Variants in PIAS2 observed in about 807,000 individuals in gnomAD.
The protein encoded by PIAS2 is protein inhibitor of activated STAT 2.
In PIAS2, 19 loss-of-function variants were observed where a neutral mutation model predicts 69.7. That is an observed-to-expected ratio of 0.27 (90% CI 0.19 to 0.40). PIAS2 has a LOEUF of 0.40. Ranked by LOEUF, PIAS2 falls within the 10% of genes least tolerant of loss-of-function variation. PIAS2 has a pLI of 1.00. For missense variants in PIAS2, 624 were observed against 757.0 expected (o/e 0.82, Z 2.06); for synonymous variants, 261 against 263.2 (o/e 0.99, Z 0.08).
intron 1 of PIAS2, chr18:46,915,238 A>G (rs2057686768): frequency 1.3e-5 from 2 of 152,176 alleles, no homozygotes; most frequent in African/African-American, 2.4e-5. Flanking sequence ...TGAGAATTAA[A>G]TAAGTATAGA....
chr18:46,812,108 C>T lies in PIAS2; in HGVS notation c.*325G>A. 5.8e-6 allele frequency: 1 copy of T among 171,560 alleles called. No individual in the cohort carries two copies. The highest frequency in any genetic ancestry group is 6.2e-5 in the Admixed American group (1 of 16,140). The allele number at this position is 171,560 out of a possible 1,614,324, so 10.6% of individuals were successfully genotyped here. On this transcript the variant is annotated 3_prime_UTR_variant, in exon 14 of 14. Coordinates refer to ENST00000585916, the MANE Select transcript of PIAS2 (RefSeq NM_004671.5). ...CTTGAATATTTACATAATTTTATTG[C>T]TCTTTATTTTAACAAAAACTTTTTT...
intron 1 of PIAS2, among the ~76,000 whole-genome samples, chr18:46,914,513 A>T (rs1038000781): frequency 6.6e-5 from 10 of 152,100 alleles, no homozygotes; most frequent in African/African-American, 2.2e-4. Flanking sequence ...AAACTGAAAT[A>T]GTCAGGCGAC....
At chr18:46,916,020 C>G (rs1338323443) in intron 1 of PIAS2, among the ~76,000 whole-genome samples, 1 of 152,130 alleles carries the variant, frequency 6.6e-6, no homozygotes, top group Non-Finnish European at 1.5e-5. Flanking sequence ...TTAAACTTAT[C>G]AAGTATGAAC....
intron 2 of PIAS2, among the ~76,000 whole-genome samples, chr18:46,888,363 ATTTT>A (rs35677026): frequency 6.7e-6 from 1 of 149,232 alleles, no homozygotes; most frequent in Admixed American, 6.7e-5. Flanking sequence ...CAAAATCCCA[ATTTT>A]TTTTTTTTAT....
At chr18:46,827,729 G>A (rs1214316123) in intron 11 of PIAS2, 1 of 406,380 alleles carries the variant, frequency 2.5e-6, no homozygotes, top group East Asian at 3.8e-5. Flanking sequence ...AAAAGTCTCA[G>A]GTAGGAAATA....
rs535949402 is a variant in PIAS2, at chr18:46,865,305, C to T, written c.500-1057G>A. Among the ~76,000 whole-genome samples, 5 of 152,074 alleles carry T rather than the reference C, an allele frequency of 3.3e-5. No individual in the cohort carries two copies. In the East Asian group the frequency reaches 5.8e-4, roughly 18 times the overall value. On this transcript the variant is annotated intron_variant, in intron 2 of 13. Transcript: ENST00000585916. ...GTGTAATCCCAGCACTCTGGGAGGC[C>T]GAGGCAGGTGGATTACTTGAGGTCA... is the stretch of plus-strand genomic sequence containing the variant.
Position 46,846,834 on chromosome 18 carries a change from G to A in PIAS2, c.734C>T (p.Ala245Val), listed in dbSNP as rs776260551. 8.2e-5 allele frequency: 131 copies of A among 1,601,698 alleles called. No homozygotes were observed. Among genetic ancestry groups the A allele is most frequent in the Non-Finnish European group, 1.1e-4 (126 of 1,174,638 alleles). ...TTCAATCCCATTTTTAGGCGGTGGTGCATAGCCCTATAACCGTAAGAAAGA... is the reference window on the plus strand; with the variant it reads ...TTCAATCCCATTTTTAGGCGGTGGTACATAGCCCTATAACCGTAAGAAAGA... ...NGKLFPLPGY[A>V]PPPKNGIEQK... The change falls in exon 6 of 14, where the codon GCA becomes GTA. Residue 245 changes from alanine to valine, a missense_variant. This residue lies in a region of PIAS2 where 339 missense variants were observed against 408.8 expected (regional missense o/e 0.83). Coordinates refer to ENST00000585916, the MANE Select transcript of PIAS2 (RefSeq NM_004671.5).
At chr18:46,894,481 C>T (rs1395293255) in intron 1 of PIAS2, among the ~76,000 whole-genome samples, 1 of 152,134 alleles carries the variant, frequency 6.6e-6, no homozygotes, top group Non-Finnish European at 1.5e-5. Context: ...CACTCCACTG[C>T]GCTAACTCTC....
chr18:46,866,887 G>A (rs1368943131), intron 2 of PIAS2, among the ~76,000 whole-genome samples: 1 of 152,146 alleles, frequency 6.6e-6, no homozygotes, highest in East Asian at 1.9e-4. Context: ...GTAAAGTTGG[G>A]CACAAGACCC....
At chr18:46,901,224 C>T in intron 1 of PIAS2, 2 of 384,194 alleles carry the variant, frequency 5.2e-6, no homozygotes, top group African/African-American at 2.1e-5. Flanking sequence ...TCGAGGCCAG[C>T]CTGACCAACA....
In PIAS2 at chr18:46,804,205, CCT is replaced by C. The variant is rs1311445843; in HGVS notation, c.*8226_*8227del. 2.0e-5 allele frequency: 3 copies of C among 152,136 alleles called. No homozygotes were observed. The highest frequency in any genetic ancestry group is 6.5e-5 in the Admixed American group (1 of 15,274). 9.4% of individuals were successfully genotyped at this position (152,136 alleles called of 1,614,324 possible). On this transcript the variant is annotated 3_prime_UTR_variant, in exon 14 of 14. Transcript: ENST00000585916. ...AAGTGAAAAAAGTTATCACCTCTGC[CCT>C]CATGGAGCTTACAATCTAGTAGGGG... is the stretch of plus-strand genomic sequence containing the variant.
Position 46,890,793 on chromosome 18 carries a change from A to G in PIAS2, c.286T>C (p.Leu96=). The G allele has an allele frequency of 6.2e-7, 1 of 1,614,224 alleles. No individual in the cohort carries two copies. The highest frequency in any genetic ancestry group is 1.1e-5 in the South Asian group (1 of 91,076). The part of the protein sequence containing the change: ...DGGSSPVEPD[L]AVAGIHSLPS... Reference sequence around the variant, plus strand: ...AACGAGTGGATTCCAGCCACGGCCAAGTCAGGTTCTACAGGTGATGAGCCA... The same window carrying G: ...AACGAGTGGATTCCAGCCACGGCCAGGTCAGGTTCTACAGGTGATGAGCCA... The change falls in exon 2 of 14, where the codon TTG becomes CTG. Residue 96 remains leucine (L), a synonymous_variant. Transcript: ENST00000585916.
chr18:46,896,164 GC>G (rs1422891218), intron 1 of PIAS2, among the ~76,000 whole-genome samples: 3 of 22,318 alleles, frequency 1.3e-4, no homozygotes, highest in African/African-American at 3.5e-4. Flanking sequence ...AAAGAAAAAA[GC>G]AAAAAAAAAA....
rs371607073 is a variant in PIAS2 at position 46,827,955 on chromosome 18, A to G, written c.1508+4T>C. Reference sequence around the variant, plus strand: ...GAACAATAGTGAACTATAAATTAACAAACCCTTTGGTTGGGCTGCTTTGTG... The same window carrying G: ...GAACAATAGTGAACTATAAATTAACGAACCCTTTGGTTGGGCTGCTTTGTG... On this transcript the variant is annotated splice_donor_region_variant and intron_variant, in intron 11 of 13. Transcript: ENST00000585916. The G allele has an allele frequency of 6.2e-6, 10 of 1,612,768 alleles. No homozygotes were observed. Among genetic ancestry groups the G allele is most frequent in the Non-Finnish European group, 8.5e-6 (10 of 1,179,374 alleles).
In PIAS2 at chr18:46,844,037, T is replaced by A; in HGVS notation, c.1041+17A>T. The A allele has an allele frequency of 6.9e-7, 1 of 1,441,964 alleles. No individual in the cohort carries two copies. The highest frequency in any genetic ancestry group is 9.3e-7 in the Non-Finnish European group (1 of 1,074,418). The allele number at this position is 1,441,964 out of a possible 1,614,324, so 89.3% of individuals were successfully genotyped here. A position where few individuals can be genotyped will look rare whatever the true frequency, so the allele number is the denominator to read the frequency against. Reference sequence around the variant, plus strand: ...TAAAAAGTCAAATTCCCCAAAATGTTTTGTTGCTTTACTTACAGGGCACAT... The same window carrying A: ...TAAAAAGTCAAATTCCCCAAAATGTATTGTTGCTTTACTTACAGGGCACAT... On this transcript the variant is annotated intron_variant, in intron 8 of 13. Transcript: ENST00000585916.
intron 9 of PIAS2, among the ~76,000 whole-genome samples, chr18:46,831,825 T>TAAGTGTAA (rs1178676351): frequency 2.0e-5 from 3 of 152,170 alleles, no homozygotes; most frequent in Non-Finnish European, 4.4e-5. Context: ...ATAATAAACC[T>TAAGTGTAA]AAGTGTAAAA....
Position 46,839,736 on chromosome 18 carries a change from G to C in PIAS2, c.1042-3219C>G, listed in dbSNP as rs538694557. The stretch of plus-strand genomic sequence containing the variant: ...AAAAATTAGCTGGGTGTGGTGGTGG[G>C]CACCTGTAATCCCAGCTACTCGGGA... On this transcript the variant is annotated intron_variant, in intron 8 of 13. Coordinates refer to ENST00000585916, the MANE Select transcript of PIAS2 (RefSeq NM_004671.5). 2.0e-5 allele frequency among the ~76,000 whole-genome samples: 3 copies of C among 151,944 alleles called. No individual in the cohort carries two copies. The East Asian group carries it at 5.8e-4, about 29-fold the overall frequency.
rs1278512080 is a variant in PIAS2 at position 46,808,684 on chromosome 18, C to G, written c.*3749G>C. ...AGACGTGTTTAAATGGTGCACTGCT[C>G]TACATTTTTCTATTATGCAAAGAGC... On this transcript the variant is annotated 3_prime_UTR_variant, in exon 14 of 14. Transcript: ENST00000585916. 6.6e-6 allele frequency: 1 copy of G among 152,022 alleles called. No individual in the cohort carries two copies. Among genetic ancestry groups the G allele is most frequent in the African/African-American group, 2.4e-5 (1 of 41,376 alleles). 9.4% of individuals were successfully genotyped at this position (152,022 alleles called of 1,614,324 possible). A position where few individuals can be genotyped will look rare whatever the true frequency, so the allele number is the denominator to read the frequency against.
intron 5 of PIAS2, among the ~76,000 whole-genome samples, chr18:46,852,280 T>C (rs1386977044): frequency 6.6e-6 from 1 of 152,214 alleles, no homozygotes; most frequent in Non-Finnish European, 1.5e-5. Flanking sequence ...TATAGGACTT[T>C]ACGGAGCTAG....
Sources: gnomAD v4.1 joint callset for allele counts (sites outside exome capture counted in the v4.1 genomes callset) on GRCh38, gnomAD v4.1.1 for gene constraint, gnomAD v4.1.1 regional missense constraint, MANE v1.5 for transcripts, NCBI Gene and HGNC (gene_info 2026-07-23, HGNC 2026-07-21) for gene names.